LRP1B: variants seen among roughly 807,000 people sequenced by gnomAD.
LRP1B encodes the protein low-density lipoprotein receptor-related protein 1B.
A neutral mutation model predicts 556.6 loss-of-function variants in LRP1B; 217 were observed. That is an observed-to-expected ratio of 0.39 (90% CI 0.35 to 0.44). LRP1B has a LOEUF of 0.44. Among genes scored for constraint, LRP1B ranks in the 20% least tolerant of loss-of-function variants. LRP1B has a pLI of 1.00. For synonymous variants in LRP1B, 2,047 were observed against 1,865.8 expected, an observed-to-expected ratio of 1.10 and a Z score of -2.50; for missense variants, 5,053 against 5,620.8, an observed-to-expected ratio of 0.90 and a Z score of 3.23.
intron 2 of LRP1B, among the ~76,000 whole-genome samples, chr2:141,702,735 T>C (rs1691987159): frequency 6.6e-6 from 1 of 151,846 alleles, no homozygotes; most frequent in African/African-American, 2.4e-5. Flanking sequence ...AGATGCAAAA[T>C]GTCCAGTGTG....
chr2:140,475,458 G>T (rs1687935842), intron 59 of LRP1B, 121 bp from the exon 60 acceptor site: 6 of 631,576 alleles, frequency 9.5e-6, no homozygotes, highest in South Asian at 3.1e-5. Context: ...CTGAATTGCA[G>T]CTTTTAAGAA....
At chr2:141,020,667 C>G (rs1200038050) in intron 11 of LRP1B, among the ~76,000 whole-genome samples, 2 of 151,966 alleles carry the variant, frequency 1.3e-5, no homozygotes, top group Admixed American at 6.6e-5. Flanking sequence ...AAGGAATCGC[C>G]AAAATACTTC....
At chr2:140,336,598 T>A (rs1409100557) in intron 77 of LRP1B, among the ~76,000 whole-genome samples, 1 of 151,958 alleles carries the variant, frequency 6.6e-6, no homozygotes, top group Non-Finnish European at 1.5e-5. Context: ...TGTTCTACAA[T>A]TGAAAAAATG....
intron 3 of LRP1B, among the ~76,000 whole-genome samples, chr2:141,432,351 T>C (rs964596914): frequency 3.3e-5 from 5 of 152,146 alleles, no homozygotes; most frequent in African/African-American, 1.2e-4. Flanking sequence ...TAGTATTTTG[T>C]TGAGATTTTT....
At chr2:140,285,797 AATC>A (rs1428151391) in intron 84 of LRP1B, among the ~76,000 whole-genome samples, 1 of 151,266 alleles carries the variant, frequency 6.6e-6, no homozygotes, top group Non-Finnish European at 1.5e-5. Flanking sequence ...TATTTTTAAA[AATC>A]ATCCTCATAA....
At chr2:141,619,835 T>C (rs355575) in intron 2 of LRP1B, among the ~76,000 whole-genome samples, 146,190 of 152,312 alleles carry the variant, frequency 0.96, 70,181 homozygotes, top group East Asian at 0.99. Context: ...CTGATAGAAC[T>C]GTAAGTTGAG....
intron 1 of LRP1B, among the ~76,000 whole-genome samples, chr2:142,013,562 C>T (rs1339079511): frequency 2.0e-5 from 3 of 147,634 alleles, no homozygotes; most frequent in African/African-American, 7.5e-5. Context: ...ATCTATTCTA[C>T]AGAAAAAAAA....
chr2:141,174,676 C>T (rs113607265), intron 7 of LRP1B, among the ~76,000 whole-genome samples: 2,248 of 152,122 alleles, frequency 0.015, 23 homozygotes, highest in Middle Eastern at 0.041. Context: ...TAGGTAGTTC[C>T]TCATAGCAGT....
chr2:140,319,676 G>A (rs1355233788), intron 82 of LRP1B, among the ~76,000 whole-genome samples: 1 of 152,116 alleles, frequency 6.6e-6, no homozygotes, highest in East Asian at 1.9e-4. Context: ...ATGGATACTA[G>A]GCTTAATACC....
chr2:140,983,886 A>C (rs540262318), intron 17 of LRP1B, among the ~76,000 whole-genome samples: 1 of 152,064 alleles, frequency 6.6e-6, no homozygotes, highest in East Asian at 1.9e-4. Context: ...TCCAGCAAAC[A>C]TGTATGCTTC....
At chr2:140,673,282 C>T (rs2105363003) in intron 41 of LRP1B, among the ~76,000 whole-genome samples, 1 of 152,188 alleles carries the variant, frequency 6.6e-6, no homozygotes, top group Middle Eastern at 3.4e-3. Flanking sequence ...ACAAGTATTG[C>T]CTCTATAAAG....
chr2:141,893,767 A>G (rs1699358622), intron 1 of LRP1B, among the ~76,000 whole-genome samples: 1 of 152,182 alleles, frequency 6.6e-6, no homozygotes. Context: ...AACCATTTAA[A>G]GTATATTTGA....
Position 141,354,939 on chromosome 2 carries a change from T to C in LRP1B, c.344-100298A>G, listed in dbSNP as rs940616920. On this transcript the variant is annotated intron_variant, in intron 3 of 90. Coordinates refer to ENST00000389484, the MANE Select transcript of LRP1B (RefSeq NM_018557.3). Reference sequence around the variant, plus strand: ...CCAAGTTCTACATTTAGTTTATCACTAGTAGCAAAATAGAAAAATGTAACA... The same window carrying C: ...CCAAGTTCTACATTTAGTTTATCACCAGTAGCAAAATAGAAAAATGTAACA... Among the ~76,000 whole-genome samples the C allele has an allele frequency of 3.5e-4, 54 of 152,124 alleles. 1 individual carries two copies. The highest frequency in any genetic ancestry group is 1.3e-3 in the African/African-American group (54 of 41,418).
chr2:140,906,798 G>T (rs1451674555), intron 22 of LRP1B, among the ~76,000 whole-genome samples: 1 of 151,964 alleles, frequency 6.6e-6, no homozygotes, highest in Non-Finnish European at 1.5e-5. Flanking sequence ...ACAGAAGAAT[G>T]AAGTTTATCA....
chr2:141,894,096 A>G (rs1461541277), intron 1 of LRP1B, among the ~76,000 whole-genome samples: 1 of 152,166 alleles, frequency 6.6e-6, no homozygotes, highest in African/African-American at 2.4e-5. Flanking sequence ...AATCTGAATA[A>G]CATATATCAT....
chr2:141,796,702 T>C (rs1401684884), intron 2 of LRP1B, among the ~76,000 whole-genome samples: 1 of 151,764 alleles, frequency 6.6e-6, no homozygotes, highest in South Asian at 2.1e-4. Flanking sequence ...AGCTATATTA[T>C]AGGTTCCTCA....
intron 32 of LRP1B, among the ~76,000 whole-genome samples, chr2:140,808,079 G>A (rs1459176822): frequency 2.6e-5 from 4 of 152,132 alleles, no homozygotes; most frequent in African/African-American, 9.7e-5. Context: ...GTGACAGAGT[G>A]AGACTCCATC....
intron 31 of LRP1B, among the ~76,000 whole-genome samples, chr2:140,831,129 A>T (rs71417111): frequency 0.039 from 5,890 of 152,156 alleles, 143 homozygotes; most frequent in Non-Finnish European, 0.061. Flanking sequence ...TGTCAACACT[A>T]CCCAAAGCTA....
At chr2:141,040,914 A>G (rs1698679027) in intron 11 of LRP1B, among the ~76,000 whole-genome samples, 1 of 152,244 alleles carries the variant, frequency 6.6e-6, no homozygotes, top group African/African-American at 2.4e-5. Context: ...TGACAGAAAG[A>G]GACTGCTTCT....
Sources: allele counts gnomAD v4.1 joint callset (sites outside exome capture counted in the v4.1 genomes callset), GRCh38; gene constraint gnomAD v4.1.1; transcripts MANE v1.5; gene names NCBI Gene and HGNC (gene_info 2026-07-23, HGNC 2026-07-21).